Variants in RFTN1 observed in about 807,000 individuals in gnomAD.
The protein encoded by RFTN1 is raftlin.
RFTN1 carries 26 observed loss-of-function variants against 46.5 expected under a neutral mutation model. The observed-to-expected ratio is 0.56, with a 90% CI of 0.41 to 0.78. The LOEUF is 0.78. RFTN1 is among the 30% of genes least tolerant of loss of function. The pLI, the probability that RFTN1 is intolerant of heterozygous loss-of-function variation, is 0.00. For missense variants in RFTN1, 693 were observed against 718.7 expected, an observed-to-expected ratio of 0.96 and a Z score of 0.41; for synonymous variants, 261 against 284.2, an observed-to-expected ratio of 0.92 and a Z score of 0.82.
In RFTN1 at chr3:16,447,736, C is replaced by T. The variant is rs2075757862; in HGVS notation, c.146-13699G>A. 1.3e-5 allele frequency among the ~76,000 whole-genome samples: 2 copies of T among 152,178 alleles called. No individual in the cohort carries two copies. The highest frequency in any genetic ancestry group is 6.5e-5 in the Admixed American group (1 of 15,276). On this transcript the variant is annotated intron_variant, in intron 2 of 9. Coordinates refer to ENST00000334133, the MANE Select transcript of RFTN1 (RefSeq NM_015150.2). The surrounding 1 kb of genome is among the most constrained non-coding windows in gnomAD (Gnocchi z 5.9). ...CGAAGCAATCAGGTGAAAATCATTT[C>T]TAATTACACCCAGAAGAAAAATACG...
chr3:16,358,040 T>G lies in RFTN1; in HGVS notation c.1038A>C (p.Leu346Phe). The change falls in exon 7 of 10, where the codon TTA becomes TTC. Residue 346 changes from leucine to phenylalanine, a missense_variant. Transcript: ENST00000334133. ...TGAATACTCCATCTGTCAAGCCATG[T>G]AAGGAATCTGTGGAAAAAGAAAAAG... is the stretch of plus-strand genomic sequence containing the variant. ...VFYLGIVNDS[L>F]HGLTDGVFIF... The G allele has an allele frequency of 7.1e-7, 1 of 1,413,450 alleles. No individual in the cohort carries two copies. Among genetic ancestry groups the G allele is most frequent in the Non-Finnish European group, 9.5e-7 (1 of 1,053,738 alleles). 87.6% of individuals were successfully genotyped at this position (1,413,450 alleles called of 1,614,324 possible). A position where few individuals can be genotyped will look rare whatever the true frequency, so the allele number is the denominator to read the frequency against.
Position 16,353,747 on chromosome 3 carries a change from C to T in RFTN1, c.1146+4185G>A, listed in dbSNP as rs1218646638. Among the ~76,000 whole-genome samples, 1 of 152,140 alleles carries T rather than the reference C, an allele frequency of 6.6e-6. No individual in the cohort carries two copies. Among genetic ancestry groups the T allele is most frequent in the East Asian group, 1.9e-4 (1 of 5,190 alleles). ...TAAGAAGAGACACCAGAGTAGCCCC[C>T]TCCCACCTGTGCGTGCTCAGAGGCA... On this transcript the variant is annotated intron_variant, in intron 7 of 9. Transcript: ENST00000334133. This position sits in a 1 kb window ranked among gnomAD's most constrained non-coding sequence, Gnocchi z 5.4.
chr3:16,508,726 C>T (rs1190177928), intron 1 of RFTN1, among the ~76,000 whole-genome samples: 1 of 151,506 alleles, frequency 6.6e-6, no homozygotes, highest in Non-Finnish European at 1.5e-5. Flanking sequence ...ACACACACCC[C>T]TTTAAAAGGT....
chr3:16,416,503 C>A (rs2075082907), intron 3 of RFTN1, among the ~76,000 whole-genome samples: 1 of 152,158 alleles, frequency 6.6e-6, no homozygotes, highest in Admixed American at 6.5e-5. Context: ...GTTTGACAAA[C>A]ATAGTATGGT....
rs990090907 is a variant in RFTN1 at position 16,327,892 on chromosome 3, G to A, written c.1147-1016C>T. On this transcript the variant is annotated intron_variant, in intron 7 of 9. Transcript: ENST00000334133. This position sits in a 1 kb window ranked among gnomAD's most constrained non-coding sequence, Gnocchi z 4.2. ...TGCAACAGGCCTCATTTCTTACTACGGGTTCCTCACTAACACTCAAAGTGT... is the reference window on the plus strand; with the variant it reads ...TGCAACAGGCCTCATTTCTTACTACAGGTTCCTCACTAACACTCAAAGTGT... Among the ~76,000 whole-genome samples, 6 of 152,124 alleles carry A rather than the reference G, an allele frequency of 3.9e-5. No homozygotes were observed. The highest frequency in any genetic ancestry group is 2.9e-5 in the Non-Finnish European group (2 of 68,014).
chr3:16,323,089 T>C lies in RFTN1; in HGVS notation c.1332+287A>G, dbSNP rs544363241. ...CTGCAGCTGACTTCGTGCCCTTCTT[T>C]TCATCCTAGTGGGAATATCTAGCAG... On this transcript the variant is annotated intron_variant, in intron 9 of 9. Transcript: ENST00000334133. Among the ~76,000 whole-genome samples the C allele has an allele frequency of 5.0e-4, 76 of 152,300 alleles. 2 individuals carry two copies. The South Asian group carries it at 0.015, about 30-fold the overall frequency.
At chr3:16,488,075 TCAA>T (rs1387785127) in intron 2 of RFTN1, among the ~76,000 whole-genome samples, 4 of 150,310 alleles carry the variant, frequency 2.7e-5, no homozygotes, top group African/African-American at 9.8e-5. Context: ...AGGGACAAAC[TCAA>T]CAGTGTTAAC....
rs533502700 is a variant in RFTN1 at position 16,361,737 on chromosome 3, A to G, written c.1031-3690T>C. On this transcript the variant is annotated intron_variant, in intron 6 of 9. Transcript: ENST00000334133. This position sits in a 1 kb window ranked among gnomAD's most constrained non-coding sequence, Gnocchi z 4.3. ...TCTGTTCATCTGACTTGCTTGGCCA[A>G]TGGGATATTAGCAGGTGTAATGCAA... 2.0e-5 allele frequency among the ~76,000 whole-genome samples: 3 copies of G among 152,282 alleles called. No homozygotes were observed. The highest frequency in any genetic ancestry group is 2.9e-5 in the Non-Finnish European group (2 of 68,012).
chr3:16,326,671 G>T, intron 8 of RFTN1, 102 bp downstream of exon 8: 1 of 855,326 alleles, frequency 1.2e-6, no homozygotes, highest in East Asian at 2.8e-5. Flanking sequence ...CCAGCCTCTT[G>T]CACAGGATTA....
intron 1 of RFTN1, among the ~76,000 whole-genome samples, chr3:16,494,671 A>G (rs1322705148): frequency 6.6e-6 from 1 of 152,232 alleles, no homozygotes; most frequent in African/African-American, 2.4e-5. Flanking sequence ...TGAGCTTCCA[A>G]TCTTCCATGG....
rs35510968 is a variant in RFTN1 at position 16,327,761 on chromosome 3, CA to C, written c.1147-886del. ...GGGTGACAGAGCGGGATTCCCATCT[CA>C]AAAAAAAAAACAAAACGAAAAAAAC... On this transcript the variant is annotated intron_variant, in intron 7 of 9. Coordinates refer to ENST00000334133, the MANE Select transcript of RFTN1 (RefSeq NM_015150.2). The surrounding 1 kb of genome is among the most constrained non-coding windows in gnomAD (Gnocchi z 4.2). Among the ~76,000 whole-genome samples, 79,585 of 145,512 alleles carry C rather than the reference CA, an allele frequency of 0.55. 21,449 individuals are homozygous for C. The highest frequency in any genetic ancestry group is 0.57 in the Middle Eastern group (163 of 284).
chr3:16,423,519 G>T (rs778857163), intron 3 of RFTN1, among the ~76,000 whole-genome samples: 1 of 152,180 alleles, frequency 6.6e-6, no homozygotes, highest in African/African-American at 2.4e-5. Flanking sequence ...CTCATGAAAC[G>T]TGTGGACACT....
intron 2 of RFTN1, among the ~76,000 whole-genome samples, chr3:16,461,030 G>A (rs2076001427): frequency 6.6e-6 from 1 of 152,258 alleles, no homozygotes; most frequent in Non-Finnish European, 1.5e-5. Context: ...CCCTCGGGCA[G>A]CACAGCTGCC....
Position 16,385,070 on chromosome 3 carries a change from G to A in RFTN1, c.442-6968C>T, listed in dbSNP as rs535424116. Among the ~76,000 whole-genome samples, 57 of 152,052 alleles carry A rather than the reference G, an allele frequency of 3.7e-4. No homozygotes were observed. Among genetic ancestry groups the A allele is most frequent in the African/African-American group, 1.2e-3 (51 of 41,476 alleles). ...TCCGGCCCTCCCTCATAACTCACAC[G>A]CCCCCGATCCGTGACAACATAGCAC... On this transcript the variant is annotated intron_variant, in intron 4 of 9. Coordinates refer to ENST00000334133, the MANE Select transcript of RFTN1 (RefSeq NM_015150.2). This position sits in a 1 kb window ranked among gnomAD's most constrained non-coding sequence, Gnocchi z 5.0.
At chr3:16,349,601 G>A (rs1372643576) in intron 7 of RFTN1, 1 of 152,230 alleles carries the variant, frequency 6.6e-6, no homozygotes, top group Non-Finnish European at 1.5e-5. Flanking sequence ...AGTTGCACAA[G>A]AAAAGGGTAT....
rs566982722 is a variant in RFTN1 at position 16,369,967 on chromosome 3, G to A, written c.1030+109C>T. The A allele has an allele frequency of 4.3e-5, 44 of 1,014,890 alleles. No individual in the cohort carries two copies. In the Admixed American group the frequency reaches 6.3e-4, roughly 14 times the overall value. 62.9% of individuals were successfully genotyped at this position (1,014,890 alleles called of 1,614,324 possible). A position where few individuals can be genotyped will look rare whatever the true frequency, so the allele number is the denominator to read the frequency against. On this transcript the variant is annotated intron_variant, in intron 6 of 9. Coordinates refer to ENST00000334133, the MANE Select transcript of RFTN1 (RefSeq NM_015150.2). ...AGAAATAAAATGCAGCATGGTTATC[G>A]GCTGCAGAGCTTTCTGAATGAAGCA...
rs142953005 is a variant in RFTN1 at position 16,507,839 on chromosome 3, A to T, written c.-9+5603T>A. 0.016 allele frequency among the ~76,000 whole-genome samples: 2,405 copies of T among 151,756 alleles called. 42 individuals carry two copies. The highest frequency in any genetic ancestry group is 0.023 in the Non-Finnish European group (1,578 of 67,954). On this transcript the variant is annotated intron_variant, in intron 1 of 9. Transcript: ENST00000334133. The surrounding 1 kb of genome is among the most constrained non-coding windows in gnomAD (Gnocchi z 7.1). Reference sequence around the variant, plus strand: ...CATACATACATACACACACACACACATACACACATATATATACACACACAC... The same window carrying T: ...CATACATACATACACACACACACACTTACACACATATATATACACACACAC...
In RFTN1 at chr3:16,402,845, G is replaced by A. The variant is rs563581804; in HGVS notation, c.441+6530C>T. ...TGAGTGGGACCAGCCGCCCCTCAACGGTCTTCATTGCAAAGGCTCAGTGGG... is the reference window on the plus strand; with the variant it reads ...TGAGTGGGACCAGCCGCCCCTCAACAGTCTTCATTGCAAAGGCTCAGTGGG... On this transcript the variant is annotated intron_variant, in intron 4 of 9. Coordinates refer to ENST00000334133, the MANE Select transcript of RFTN1 (RefSeq NM_015150.2). This position sits in a 1 kb window ranked among gnomAD's most constrained non-coding sequence, Gnocchi z 4.5. Among the ~76,000 whole-genome samples the A allele has an allele frequency of 2.6e-5, 4 of 152,246 alleles. No homozygotes were observed. The highest frequency in any genetic ancestry group is 6.5e-5 in the Admixed American group (1 of 15,298).
Position 16,384,883 on chromosome 3 carries a change from T to C in RFTN1, c.442-6781A>G, listed in dbSNP as rs1321673737. On this transcript the variant is annotated intron_variant, in intron 4 of 9. Transcript: ENST00000334133. The surrounding 1 kb of genome is among the most constrained non-coding windows in gnomAD (Gnocchi z 4.7). ...GTGCAGGTGTAGAACATATCCATCA[T>C]CATAGAACGTTCTATTGGGTAGCTC... 6.6e-6 allele frequency among the ~76,000 whole-genome samples: 1 copy of C among 152,202 alleles called. No individual in the cohort carries two copies. The highest frequency in any genetic ancestry group is 2.4e-5 in the African/African-American group (1 of 41,440).
Sources: gnomAD v4.1 joint callset for allele counts (sites outside exome capture counted in the v4.1 genomes callset) on GRCh38, gnomAD v4.1.1 for gene constraint, Gnocchi (gnomAD v3.1) non-coding constraint, MANE v1.5 for transcripts, NCBI Gene and HGNC (gene_info 2026-07-23, HGNC 2026-07-21) for gene names.